The following TCP1 variants were observed in gnomAD, a reference collection of about 807,000 sequenced individuals.
The protein encoded by TCP1 is T-complex protein 1 subunit alpha.
Under a neutral mutation model 54.7 loss-of-function variants are expected in TCP1, and 6 were observed. That is an observed-to-expected ratio of 0.11 (90% CI 0.06 to 0.22). The LOEUF is 0.22. Among genes scored for constraint, TCP1 ranks in the 10% least tolerant of loss-of-function variants. The pLI is 1.00. For synonymous variants in TCP1, 225 were observed against 229.7 expected, an observed-to-expected ratio of 0.98 and a Z score of 0.19; for missense variants, 511 against 678.2, an observed-to-expected ratio of 0.75 and a Z score of 2.74.
chr6:159,784,682 A>C lies in TCP1; in HGVS notation c.654T>G (p.Cys218Trp). ...AAACCTTACCCTGGGATCCCACCAC[A>C]CAGTTGAGTGCATAGCCACTGATGA... ...SMLISGYALN[C>W]VVGSQGMPKR... The change falls in exon 6 of 12, where the codon TGT becomes TGG. Residue 218 changes from cysteine to tryptophan, a missense_variant. By Grantham distance (215) the Cys-to-Trp change is radical. This residue lies in a region of TCP1 where 305 missense variants were observed against 352.8 expected (regional missense o/e 0.86). Coordinates refer to ENST00000321394, the MANE Select transcript of TCP1 (RefSeq NM_030752.3). 6.2e-7 allele frequency: 1 copy of C among 1,613,696 alleles called. No individual in the cohort carries two copies. The highest frequency in any genetic ancestry group is 8.5e-7 in the Non-Finnish European group (1 of 1,179,812).
At chr6:159,780,793 T>C (rs1013784180) in intron 8 of TCP1, 142 bp downstream of exon 8, 6 of 1,235,338 alleles carry the variant, frequency 4.9e-6, no homozygotes, top group Middle Eastern at 2.9e-4. Context: ...AAAATGGCTC[T>C]ATAAATGTGT....
Position 159,778,635 on chromosome 6 carries a change from T to A in TCP1, c.*410A>T, listed in dbSNP as rs745702552. 21 of 1,610,426 alleles carry A rather than the reference T, an allele frequency of 1.3e-5. No homozygotes were observed. Among genetic ancestry groups the A allele is most frequent in the South Asian group, 1.1e-4 (10 of 90,892 alleles). The stretch of plus-strand genomic sequence containing the variant: ...ACTGTGTCCACAGAAGAATAAACAA[T>A]CTAAATCTTTTCTCCCCCGTTAGGT... On this transcript the variant is annotated 3_prime_UTR_variant, in exon 12 of 12. Transcript: ENST00000321394.
At chr6:159,781,659 A>G (rs1780579459) in intron 7 of TCP1, among the ~76,000 whole-genome samples, 1 of 152,104 alleles carries the variant, frequency 6.6e-6, no homozygotes, top group African/African-American at 2.4e-5. Context: ...GTAATCCCAG[A>G]TACTCAGGAG....
chr6:159,783,986 T>C lies in TCP1; in HGVS notation c.752A>G (p.Gln251Arg). Residue 251 changes from glutamine (Q) to arginine (R), a missense_variant, in exon 7 of 12, where the codon CAG becomes CGG. Physicochemically the swap from Gln to Arg is conservative, Grantham distance 43. Transcript: ENST00000321394. ...LQKTKMKLGV[Q>R]VVITDPEKLD... ...TTTTTCAGGGTCTGTAATGACCACC[T>C]GTACACCAAGCTTCATTTTTGTTTT... 3 of 1,612,992 alleles carry C rather than the reference T, an allele frequency of 1.9e-6. No individual in the cohort carries two copies. The highest frequency in any genetic ancestry group is 2.5e-6 in the Non-Finnish European group (3 of 1,179,988).
At position 159,779,997 on chromosome 6, in the gene TCP1, A is replaced by G; in HGVS notation, c.1188T>C (p.Leu396=). 6.2e-7 allele frequency: 1 copy of G among 1,614,110 alleles called. No homozygotes were observed. ...DEMERSLHDA[L]CVVKRVLESK... ...ACTCCAAAACTCTCTTCACTACACA[A>G]AGTGCATCATGTAAAGAGCGCTCCA... Residue 396 remains leucine (L), a synonymous_variant, in exon 10 of 12, where the codon CTT becomes CTC. Transcript: ENST00000321394.
At chr6:159,782,494 T>C (rs1377298300) in intron 7 of TCP1, among the ~76,000 whole-genome samples, 1 of 151,992 alleles carries the variant, frequency 6.6e-6, no homozygotes, top group Non-Finnish European at 1.5e-5. Context: ...AAATGAAAAG[T>C]AGGTAAATTT....
chr6:159,786,268 G>A (rs1174444541), intron 3 of TCP1, among the ~76,000 whole-genome samples: 1 of 152,134 alleles, frequency 6.6e-6, no homozygotes, highest in Non-Finnish European at 1.5e-5. Context: ...TAACGCTGAT[G>A]GGGGGAGGAA....
chr6:159,782,892 G>T (rs1390656105), intron 7 of TCP1, among the ~76,000 whole-genome samples: 2 of 152,164 alleles, frequency 1.3e-5, no homozygotes, highest in African/African-American at 2.4e-5. Flanking sequence ...ATAATCAAAG[G>T]GTTGCTAAAG....
At chr6:159,785,715 G>C (rs1780681116) in intron 4 of TCP1, 185 bp downstream of exon 4, 1 of 784,890 alleles carries the variant, frequency 1.3e-6, no homozygotes, top group Admixed American at 1.8e-5. Flanking sequence ...AGGAGAAAAT[G>C]TGGTAGTCAA....
At chr6:159,786,377 G>A (rs1780698039) in intron 3 of TCP1, among the ~76,000 whole-genome samples, 1 of 152,140 alleles carries the variant, frequency 6.6e-6, no homozygotes, top group Non-Finnish European at 1.5e-5. Flanking sequence ...AATGCAAATG[G>A]CCAAAACTGG....
intron 7 of TCP1, among the ~76,000 whole-genome samples, chr6:159,782,743 A>C (rs993795950): frequency 2.0e-5 from 3 of 152,094 alleles, no homozygotes; most frequent in African/African-American, 7.3e-5. Context: ...TTAGAGAAAC[A>C]GCTGAAAGAG....
intron 5 of TCP1, 103 bp from the exon 6 acceptor site, chr6:159,784,950 C>G (rs1225730055): frequency 6.1e-6 from 7 of 1,153,820 alleles, no homozygotes; most frequent in Non-Finnish European, 9.0e-6. Flanking sequence ...GTAATCTAAT[C>G]TATTAAAGCA....
At chr6:159,788,705 A>T (rs1172193142) in intron 1 of TCP1, 1 of 153,150 alleles carries the variant, frequency 6.5e-6, no homozygotes, top group African/African-American at 2.4e-5. Flanking sequence ...ATCTGTGAGG[A>T]GAGAAATCGG....
chr6:159,783,677 G>C (rs1301727849), intron 7 of TCP1, among the ~76,000 whole-genome samples: 1 of 152,036 alleles, frequency 6.6e-6, no homozygotes, highest in Non-Finnish European at 1.5e-5. Context: ...CAAACAGTAG[G>C]TTACAGTCAA....
At chr6:159,780,895 T>G (rs763119502) in intron 8 of TCP1, 40 bp downstream of exon 8, 2 of 1,550,256 alleles carry the variant, frequency 1.3e-6, no homozygotes, top group East Asian at 4.5e-5. Flanking sequence ...GGATCAGGGA[T>G]AATAAAAGTA....
intron 2 of TCP1, 51 bp downstream of exon 2, chr6:159,788,007 T>C (rs751780055): frequency 6.2e-7 from 1 of 1,609,584 alleles, no homozygotes; most frequent in Non-Finnish European, 8.5e-7. Flanking sequence ...AGCAAAACAC[T>C]GAAGATAGTT....
intron 11 of TCP1, 151 bp downstream of exon 11, chr6:159,779,465 CTTGAATTACAG>C (rs1780519535): frequency 9.3e-7 from 1 of 1,069,762 alleles, no homozygotes; most frequent in South Asian, 1.6e-5. Flanking sequence ...GTCATTATCC[CTTGAATTACAG>C]TGACTGAACA....
rs1780749573 is a variant in TCP1, at chr6:159,788,363, G to T, written c.65-220C>A. The T allele has an allele frequency of 1.3e-5, 6 of 473,370 alleles. No individual in the cohort carries two copies. In the East Asian group the frequency reaches 2.2e-4, roughly 18 times the overall value. 29.3% of individuals were successfully genotyped at this position (473,370 alleles called of 1,614,324 possible). On this transcript the variant is annotated intron_variant, in intron 1 of 11. Transcript: ENST00000321394. The stretch of plus-strand genomic sequence containing the variant: ...CCAACACTGCGAGGCCGAGGCAGGA[G>T]GATCGCTTGATGCCAGGAGTTTGAG...
chr6:159,783,826 TA>T, intron 7 of TCP1, 114 bp downstream of exon 7: 1 of 1,425,816 alleles, frequency 7.0e-7, no homozygotes, highest in Admixed American at 2.5e-5. Flanking sequence ...CAAATCCCTC[TA>T]AAAACACCAC....
Sources: allele counts gnomAD v4.1 joint callset (sites outside exome capture counted in the v4.1 genomes callset), GRCh38; gene constraint gnomAD v4.1.1; regional missense constraint gnomAD v4.1.1; transcripts MANE v1.5; gene names NCBI Gene and HGNC (gene_info 2026-07-23, HGNC 2026-07-21).